IGF1: variants seen among roughly 807,000 people sequenced by gnomAD.
IGF1 encodes the protein insulin-like growth factor 1.
In IGF1, 4 loss-of-function variants were observed where a neutral mutation model predicts 13.8. The ratio of observed to expected loss-of-function variants is 0.29; its 90% confidence interval spans 0.14 to 0.66. The LOEUF (loss-of-function observed/expected upper bound fraction) is 0.66. Among genes scored for constraint, IGF1 ranks in the 30% least tolerant of loss-of-function variants. IGF1 has a pLI of 0.78. For missense variants in IGF1, 124 were observed against 188.5 expected (o/e 0.66, Z 2.00); for synonymous variants, 76 against 72.6 (o/e 1.05, Z -0.23).
chr12:102,475,849 G>A, intron 1 of IGF1, 50 bp from the exon 2 acceptor site: 1 of 1,566,378 alleles, frequency 6.4e-7, no homozygotes, highest in Non-Finnish European at 8.7e-7. Context: ...ATCCTTGCAA[G>A]GGGAGTGGGG....
At chr12:102,431,456 A>G (rs1344503431) in intron 2 of IGF1, among the ~76,000 whole-genome samples, 4 of 152,210 alleles carry the variant, frequency 2.6e-5, no homozygotes, top group Non-Finnish European at 5.9e-5. Flanking sequence ...CTAAGCTACT[A>G]TAGTAAATAT....
intron 2 of IGF1, among the ~76,000 whole-genome samples, chr12:102,427,567 G>A (rs983032803): frequency 6.6e-6 from 1 of 152,056 alleles, no homozygotes; most frequent in Non-Finnish European, 1.5e-5. Flanking sequence ...CCTGTTTTTT[G>A]CTCAGGGCAC....
chr12:102,431,237 C>A (rs1469557204), intron 2 of IGF1, among the ~76,000 whole-genome samples: 1 of 152,174 alleles, frequency 6.6e-6, no homozygotes, highest in African/African-American at 2.4e-5. Context: ...GAAAACACTT[C>A]CATGGAAGCG....
chr12:102,419,365 G>T, intron 3 of IGF1, 144 bp downstream of exon 3: 1 of 711,622 alleles, frequency 1.4e-6, no homozygotes, highest in Non-Finnish European at 2.3e-6. Flanking sequence ...AAAGAGATGG[G>T]GATGTAATCC....
chr12:102,447,374 G>T (rs1878451073), intron 2 of IGF1, among the ~76,000 whole-genome samples: 2 of 152,082 alleles, frequency 1.3e-5, no homozygotes, highest in Non-Finnish European at 2.9e-5. Context: ...CTCTTTGTAG[G>T]TCTCTAAAAA....
chr12:102,400,729 T>C lies in IGF1; in HGVS notation c.*1778A>G, dbSNP rs529421863. On this transcript the variant is annotated 3_prime_UTR_variant, in exon 4 of 4. Coordinates refer to ENST00000337514, the MANE Select transcript of IGF1 (RefSeq NM_000618.5). ...AAAATGAATAGAATATTATTTATAG[T>C]ATTAAACGAGGTTTTACTAGATATG... 4 of 152,298 alleles carry C rather than the reference T, an allele frequency of 2.6e-5. No individual in the cohort carries two copies. In the South Asian group the frequency reaches 8.3e-4, roughly 32 times the overall value. The allele number at this position is 152,298 out of a possible 1,614,324, so 9.4% of individuals were successfully genotyped here. A position where few individuals can be genotyped will look rare whatever the true frequency, so the allele number is the denominator to read the frequency against.
rs552221763 is a variant in IGF1 at position 102,397,886 on chromosome 12, A to C, written c.*4621T>G. The C allele has an allele frequency of 2.0e-5, 3 of 152,360 alleles. No individual in the cohort carries two copies. The highest frequency in any genetic ancestry group is 2.0e-4 in the Admixed American group (3 of 15,310). 9.4% of individuals were successfully genotyped at this position (152,360 alleles called of 1,614,324 possible). ...AGGTTCTGCTCTAATAAATTAGCAC[A>C]ATCTTTTAAGATTAAAAATAGCAAA... On this transcript the variant is annotated 3_prime_UTR_variant, in exon 4 of 4. Coordinates refer to ENST00000337514, the MANE Select transcript of IGF1 (RefSeq NM_000618.5).
At chr12:102,462,161 G>T (rs914747125) in intron 2 of IGF1, among the ~76,000 whole-genome samples, 1 of 152,164 alleles carries the variant, frequency 6.6e-6, no homozygotes, top group Non-Finnish European at 1.5e-5. Context: ...AAGCAACATT[G>T]ATACATTCCC....
chr12:102,428,622 T>C (rs1350211016), intron 2 of IGF1, among the ~76,000 whole-genome samples: 1 of 152,214 alleles, frequency 6.6e-6, no homozygotes, highest in Non-Finnish European at 1.5e-5. Flanking sequence ...TGAGAATTAG[T>C]ATGAGAAGAG....
At chr12:102,480,984 A>G (rs2288377), upstream of IGF1, among the ~76,000 whole-genome samples, 1 of 152,072 alleles carries the variant, frequency 6.6e-6, no homozygotes, top group Non-Finnish European at 1.5e-5. Context: ...GGACGATAAG[A>G]CCCTCTCCAG....
Position 102,401,712 on chromosome 12 carries a change from A to T in IGF1, c.*795T>A, listed in dbSNP as rs1873695610. The stretch of plus-strand genomic sequence containing the variant: ...TGGAAAAAATAAAAAGAGGAAAGTT[A>T]CTAATTAGGTTGCACATTAACTCAT... On this transcript the variant is annotated 3_prime_UTR_variant, in exon 4 of 4. Transcript: ENST00000337514. 6.6e-6 allele frequency: 1 copy of T among 152,652 alleles called. No individual in the cohort carries two copies. The highest frequency in any genetic ancestry group is 2.4e-5 in the African/African-American group (1 of 41,458). 9.5% of individuals were successfully genotyped at this position (152,652 alleles called of 1,614,324 possible). A position where few individuals can be genotyped will look rare whatever the true frequency, so the allele number is the denominator to read the frequency against.
At chr12:102,440,187 C>T (rs1877591771) in intron 2 of IGF1, among the ~76,000 whole-genome samples, 1 of 152,144 alleles carries the variant, frequency 6.6e-6, no homozygotes, top group Non-Finnish European at 1.5e-5. Flanking sequence ...CATGGCTTCC[C>T]CTGGGAGGAG....
At chr12:102,471,315 AT>A (rs1880671349) in intron 2 of IGF1, among the ~76,000 whole-genome samples, 1 of 152,188 alleles carries the variant, frequency 6.6e-6, no homozygotes, top group Non-Finnish European at 1.5e-5. Flanking sequence ...AGAAGAGGTC[AT>A]TTATTTTAAT....
intron 1 of IGF1, among the ~76,000 whole-genome samples, chr12:102,479,778 G>A (rs17881582): frequency 5.2e-4 from 79 of 152,266 alleles, no homozygotes; most frequent in African/African-American, 1.8e-3. Context: ...CTGGGCATAA[G>A]TGCAGAGTTC....
At chr12:102,475,115 C>T (rs1476108220) in intron 2 of IGF1, among the ~76,000 whole-genome samples, 1 of 152,134 alleles carries the variant, frequency 6.6e-6, no homozygotes, top group African/African-American at 2.4e-5. Context: ...ACAGGCCTGC[C>T]TTTAAGGGGA....
At chr12:102,413,357 A>T (rs371372302) in intron 3 of IGF1, among the ~76,000 whole-genome samples, 2 of 152,324 alleles carry the variant, frequency 1.3e-5, no homozygotes, top group East Asian at 3.9e-4. Flanking sequence ...TGCCCAGTGG[A>T]TGTTAATGGA....
Position 102,451,035 on chromosome 12 carries a change from C to T in IGF1, c.220+24608G>A, listed in dbSNP as rs530013859. 3.3e-5 allele frequency among the ~76,000 whole-genome samples: 5 copies of T among 152,234 alleles called. No homozygotes were observed. The East Asian group carries it at 9.6e-4, about 29-fold the overall frequency. ...TAACAAGGAGAAAGATTTTGGAAAA[C>T]CAGAAAGGCTACTGGTAAGAAAATA... On this transcript the variant is annotated intron_variant, in intron 2 of 3. Coordinates refer to ENST00000337514, the MANE Select transcript of IGF1 (RefSeq NM_000618.5).
At chr12:102,447,053 C>A (rs1008146852) in intron 2 of IGF1, among the ~76,000 whole-genome samples, 1 of 152,120 alleles carries the variant, frequency 6.6e-6, no homozygotes, top group Admixed American at 6.5e-5. Flanking sequence ...GTTTCTTGAT[C>A]CTGAGTTCTA....
At chr12:102,474,833 T>A (rs1385538414) in intron 2 of IGF1, among the ~76,000 whole-genome samples, 1 of 152,208 alleles carries the variant, frequency 6.6e-6, no homozygotes, top group Non-Finnish European at 1.5e-5. Context: ...CAGGAATCAT[T>A]GACTTTTGCT....
Sources: gnomAD v4.1 joint callset for allele counts (sites outside exome capture counted in the v4.1 genomes callset) on GRCh38, gnomAD v4.1.1 for gene constraint, MANE v1.5 for transcripts, NCBI Gene and HGNC (gene_info 2026-07-23, HGNC 2026-07-21) for gene names.